YAE1: variants seen among roughly 807,000 people sequenced by gnomAD.
The protein encoded by YAE1 is protein YAE1 homolog.
YAE1 carries 22 observed loss-of-function variants against 23.0 expected under a neutral mutation model. The observed-to-expected ratio is 0.96, with a 90% CI of 0.68 to 1.37. The LOEUF (loss-of-function observed/expected upper bound fraction) is 1.37, where lower values mean the gene tolerates loss of function less well. YAE1 is among the 40% of genes most tolerant of loss of function. YAE1 has a pLI of 0.00. For synonymous variants in YAE1, 101 were observed against 97.0 expected, an observed-to-expected ratio of 1.04 and a Z score of -0.24; for missense variants, 260 against 262.1, an observed-to-expected ratio of 0.99 and a Z score of 0.06.
chr7:39,570,225 AGCGTGGCG>A (rs1790544242), intron 1 of YAE1: 1 of 631,084 alleles, frequency 1.6e-6, no homozygotes. Context: ...CCTCACAGCA[AGCGTGGCG>A]GCCCAACACT....
chr7:39,575,541 A>AGAGAGAGAGAGG (rs2115784916), downstream of YAE1, among the ~76,000 whole-genome samples: 3 of 30,058 alleles, frequency 1.0e-4, no homozygotes, highest in South Asian at 8.9e-4. Flanking sequence ...GATACAGGAG[A>AGAGAGAGAGAGG]GAGAGAGAGA....
chr7:39,595,257 T>G (rs1254283735), intron 2 of YAE1, among the ~76,000 whole-genome samples: 1 of 152,100 alleles, frequency 6.6e-6, no homozygotes, highest in African/African-American at 2.4e-5. Context: ...AGGACATTGC[T>G]GGGAACATTT....
At chr7:39,571,276 CTTTTTTTT>C in intron 2 of YAE1, among the ~76,000 whole-genome samples, 1 of 135,970 alleles carries the variant, frequency 7.4e-6, no homozygotes, top group East Asian at 2.1e-4. Flanking sequence ...TTTCTTTTTT[CTTTTTTTT>C]TTTTTTTTAA....
chr7:39,609,452 T>A, intron 2 of YAE1: 6 of 862,038 alleles, frequency 7.0e-6, no homozygotes, highest in Middle Eastern at 2.3e-4. Context: ...AATGATGTTA[T>A]CAAATTGGGA....
chr7:39,607,080 G>A (rs1289010902), intron 2 of YAE1, among the ~76,000 whole-genome samples: 2 of 152,140 alleles, frequency 1.3e-5, no homozygotes, highest in Non-Finnish European at 2.9e-5. Context: ...GCTACATAAT[G>A]GGCTATACTG....
chr7:39,611,060 A>G (rs2115866263), downstream of YAE1, among the ~76,000 whole-genome samples: 1 of 152,188 alleles, frequency 6.6e-6, no homozygotes. Context: ...AGGCAGGAGA[A>G]TCACTTGAAC....
chr7:39,610,030 G>A (rs149241803), exon 3 of YAE1: 35,049 of 1,492,580 alleles, frequency 0.023, 501 homozygotes, highest in Middle Eastern at 0.03. Flanking sequence ...AGGAAAGCCA[G>A]CCTCAGTCCT....
intron 2 of YAE1, among the ~76,000 whole-genome samples, chr7:39,594,679 A>C (rs4723881): frequency 0.87 from 132,291 of 151,920 alleles, 57,735 homozygotes; most frequent in African/African-American, 0.92. Context: ...TGGTTCACTG[A>C]AACCTCCTGG....
At chr7:39,576,389 T>A (rs1790657220), downstream of YAE1, among the ~76,000 whole-genome samples, 1 of 152,190 alleles carries the variant, frequency 6.6e-6, no homozygotes, top group Non-Finnish European at 1.5e-5. Context: ...GTTTTTCAGG[T>A]CTTGGCCCAA....
At chr7:39,572,145 A>G (rs1301027830) in intron 2 of YAE1, 132 bp from the exon 3 acceptor site, 1 of 926,030 alleles carries the variant, frequency 1.1e-6, no homozygotes, top group Non-Finnish European at 1.6e-6. Context: ...GCGTATATAG[A>G]GTTATGAAAG....
rs1583669148 is a variant in YAE1, at chr7:39,572,537, G to C, written c.512G>C (p.Cys171Ser). Reference sequence around the variant, plus strand: ...AATAATGCTGAGTTTAACAAAAACTGTAGCAAGAGCCATAGTGGGATAGAT... The same window carrying C: ...AATAATGCTGAGTTTAACAAAAACTCTAGCAAGAGCCATAGTGGGATAGAT... ...CENNAEFNKN[C>S]SKSHSGIDCS... Residue 171 changes from cysteine (C) to serine (S), a missense_variant, in exon 3 of 3, where the codon TGT becomes TCT. Cys to Ser is a moderately radical substitution (Grantham distance 112, BLOSUM62 -1). Coordinates refer to ENST00000223273, the MANE Select transcript of YAE1 (RefSeq NM_020192.5). The C allele has an allele frequency of 1.2e-6, 2 of 1,614,142 alleles. No homozygotes were observed. Among genetic ancestry groups the C allele is most frequent in the East Asian group, 2.2e-5 (1 of 44,874 alleles).
At chr7:39,567,088 T>C (rs891875016) in intron 1 of YAE1, 1 of 152,388 alleles carries the variant, frequency 6.6e-6, no homozygotes, top group African/African-American at 2.4e-5. Flanking sequence ...CTTTTTCATC[T>C]CTAATTTGTC....
chr7:39,603,192 C>G (rs893860388), intron 2 of YAE1, among the ~76,000 whole-genome samples: 22 of 152,194 alleles, frequency 1.4e-4, no homozygotes, highest in African/African-American at 5.3e-4. Flanking sequence ...CTCTGTCACC[C>G]AGGCTGGAGT....
intron 2 of YAE1, among the ~76,000 whole-genome samples, chr7:39,584,587 TG>T (rs1790787691): frequency 6.6e-6 from 1 of 152,226 alleles, no homozygotes; most frequent in African/African-American, 2.4e-5. Context: ...TTGACTCCTG[TG>T]GGGATGGCAC....
intron 2 of YAE1, 135 bp downstream of exon 2, chr7:39,570,762 A>G (rs1583668087): frequency 8.6e-7 from 1 of 1,163,394 alleles, no homozygotes; most frequent in Non-Finnish European, 1.1e-6. Flanking sequence ...AGATCATAGA[A>G]TTATATTGCC....
intron 2 of YAE1, among the ~76,000 whole-genome samples, chr7:39,606,971 C>G (rs556746744): frequency 6.6e-6 from 1 of 152,090 alleles, no homozygotes; most frequent in Non-Finnish European, 1.5e-5. Flanking sequence ...GGTCTTTATA[C>G]CAGTGCAAAT....
intron 2 of YAE1, among the ~76,000 whole-genome samples, chr7:39,606,888 A>G (rs944969157): frequency 3.9e-5 from 6 of 152,258 alleles, no homozygotes; most frequent in Non-Finnish European, 8.8e-5. Flanking sequence ...GGTGATTTGC[A>G]TAGAGTTGCC....
intron 1 of YAE1, chr7:39,569,712 C>T (rs896159228): frequency 6.9e-6 from 5 of 721,282 alleles, no homozygotes; most frequent in Non-Finnish European, 1.1e-5. Flanking sequence ...ATGGCAAGTC[C>T]TGATCCACGT....
At chr7:39,601,654 G>A (rs1268526229) in intron 2 of YAE1, among the ~76,000 whole-genome samples, 1 of 151,750 alleles carries the variant, frequency 6.6e-6, no homozygotes, top group Non-Finnish European at 1.5e-5. Context: ...AGCTGCTCGG[G>A]AGGCTGAGGC....
Sources: allele counts gnomAD v4.1 joint callset (sites outside exome capture counted in the v4.1 genomes callset), GRCh38; gene constraint gnomAD v4.1.1; transcripts MANE v1.5; gene names NCBI Gene and HGNC (gene_info 2026-07-23, HGNC 2026-07-21).